TUBE1: variants seen among roughly 807,000 people sequenced by gnomAD.
TUBE1 encodes tubulin epsilon chain.
Under a neutral mutation model 53.5 loss-of-function variants are expected in TUBE1, and 34 were observed. The ratio of observed to expected loss-of-function variants is 0.64; its 90% confidence interval spans 0.48 to 0.85. The LOEUF (loss-of-function observed/expected upper bound fraction) is 0.85, where lower values mean the gene tolerates loss of function less well. Ranked by LOEUF, TUBE1 falls within the 40% of genes least tolerant of loss-of-function variation. The probability of loss-of-function intolerance (pLI) is 0.00; values close to 1 mark genes in which losing one functional copy is unlikely to be tolerated. For missense variants in TUBE1, 532 were observed against 570.5 expected, an observed-to-expected ratio of 0.93 and a Z score of 0.69; for synonymous variants, 177 against 198.4, an observed-to-expected ratio of 0.89 and a Z score of 0.91.
rs782035248 is a variant in TUBE1 at position 112,072,090 on chromosome 6, A to G, written c.1095-14T>C. 2.3e-5 allele frequency: 36 copies of G among 1,567,432 alleles called. No individual in the cohort carries two copies. Among genetic ancestry groups the G allele is most frequent in the Non-Finnish European group, 2.8e-5 (33 of 1,164,570 alleles). ...GATGGTTTTAATCTGAGATTAAAAA[A>G]AAAAATCTCAGAAGGTGAGAACTAA... On this transcript the variant is annotated splice_polypyrimidine_tract_variant and intron_variant, in intron 10 of 11. Transcript: ENST00000368662.
intron 8 of TUBE1, chr6:112,075,419 T>C (rs1776948744): frequency 6.6e-6 from 1 of 152,364 alleles, no homozygotes; most frequent in Admixed American, 6.5e-5. Flanking sequence ...TCATTACACA[T>C]ATAAAAATAT....
At chr6:112,085,521 C>G (rs970514442) in intron 3 of TUBE1, 11 of 364,076 alleles carry the variant, frequency 3.0e-5, no homozygotes, top group Middle Eastern at 9.1e-4. Context: ...AGAGAAGCGC[C>G]GGAAAGGAAG....
rs1455187269 is a variant in TUBE1 at position 112,074,612 on chromosome 6, C to T, written c.953+98G>A. On this transcript the variant is annotated intron_variant, in intron 9 of 11. Coordinates refer to ENST00000368662, the MANE Select transcript of TUBE1 (RefSeq NM_016262.5). ...ATCAACTCTCACAGATAAGATGATACAATTAAATAACTAGAGTTATTGCAA... is the reference window on the plus strand; with the variant it reads ...ATCAACTCTCACAGATAAGATGATATAATTAAATAACTAGAGTTATTGCAA... The T allele has an allele frequency of 1.1e-5, 9 of 852,338 alleles. No individual in the cohort carries two copies. The Admixed American group carries it at 1.8e-4, about 17-fold the overall frequency. The allele number at this position is 852,338 out of a possible 1,614,324, so 52.8% of individuals were successfully genotyped here. A position where few individuals can be genotyped will look rare whatever the true frequency, so the allele number is the denominator to read the frequency against.
In TUBE1 at chr6:112,076,016, C is replaced by T. The variant is rs781980774; in HGVS notation, c.733G>A (p.Gly245Arg). 6.2e-7 allele frequency: 1 copy of T among 1,613,848 alleles called. No homozygotes were observed. Among genetic ancestry groups the T allele is most frequent in the Non-Finnish European group, 8.5e-7 (1 of 1,179,904 alleles). The change falls in exon 8 of 12, where the codon GGG becomes AGG. Residue 245 changes from glycine (G) to arginine (R), a missense_variant. Physicochemically the swap from Gly to Arg is moderately radical, Grantham distance 125. Transcript: ENST00000368662. Reference protein sequence around the residue: ...KPKSLVTSSSGALKKQHKKPF... With the variant: ...KPKSLVTSSSRALKKQHKKPF... ...TTCTTATGCTGCTTTTTTAAAGCCC[C>T]AGAACTTGAAGTAACCAGACTCTTT...
chr6:112,082,684 A>G (rs1480531125), intron 4 of TUBE1, among the ~76,000 whole-genome samples: 1 of 152,196 alleles, frequency 6.6e-6, no homozygotes, highest in African/African-American at 2.4e-5. Context: ...AAACTTTGGG[A>G]GAGTATTTTG....
At chr6:112,078,575 G>C (rs782762177) in intron 6 of TUBE1, 5 of 152,000 alleles carry the variant, frequency 3.3e-5, no homozygotes, top group Admixed American at 6.5e-5. Context: ...GTAGGCATTA[G>C]ATGTGGGGAA....
chr6:112,087,438 G>C lies in TUBE1; in HGVS notation c.-4C>G, dbSNP rs1554317588. 6.5e-7 allele frequency: 1 copy of C among 1,550,124 alleles called. No homozygotes were observed. ...GTACGACCACCGACTGGGTCATGGT[G>C]GTGCGCCGCCGGCTCCGGGAGCTTG... On this transcript the variant is annotated 5_prime_UTR_variant, in exon 1 of 12. Coordinates refer to ENST00000368662, the MANE Select transcript of TUBE1 (RefSeq NM_016262.5).
chr6:112,081,041 A>AT, intron 5 of TUBE1, 51 bp downstream of exon 5: 4 of 1,154,526 alleles, frequency 3.5e-6, no homozygotes, highest in Non-Finnish European at 5.1e-6. Context: ...ATGAAGAAAG[A>AT]TTGCTCATTT....
chr6:112,086,455 C>T, intron 3 of TUBE1, 101 bp downstream of exon 3: 3 of 752,182 alleles, frequency 4.0e-6, no homozygotes, highest in Non-Finnish European at 6.3e-6. Flanking sequence ...CAAAAAAACA[C>T]AACTTCGCAG....
At chr6:112,071,627 C>T in intron 11 of TUBE1, 57 bp from the exon 12 acceptor site, 1 of 1,367,460 alleles carries the variant, frequency 7.3e-7, no homozygotes, top group Non-Finnish European at 1.0e-6. Flanking sequence ...ATACATAAGA[C>T]TATCCTAAAA....
At chr6:112,080,486 G>A (rs1554316620) in intron 5 of TUBE1, among the ~76,000 whole-genome samples, 1 of 152,050 alleles carries the variant, frequency 6.6e-6, no homozygotes, top group East Asian at 1.9e-4. Context: ...TTATGCCTTA[G>A]TAAAATTACA....
chr6:112,079,671 C>A lies in TUBE1; in HGVS notation c.410G>T (p.Cys137Phe), dbSNP rs782622468. Residue 137 changes from cysteine to phenylalanine, a missense_variant, in exon 6 of 12, where the codon TGC becomes TTC. Coordinates refer to ENST00000368662, the MANE Select transcript of TUBE1 (RefSeq NM_016262.5). ...KFRKSAEHCDCLQCFFIIHSM... is the reference protein window; with the variant it reads ...KFRKSAEHCDFLQCFFIIHSM... ...ATGTATTATAAAGAAACACTGCAAGCAATCACAGTGCTCTGCCGACTTTCT... is the reference window on the plus strand; with the variant it reads ...ATGTATTATAAAGAAACACTGCAAGAAATCACAGTGCTCTGCCGACTTTCT... 4.3e-6 allele frequency: 7 copies of A among 1,612,550 alleles called. No homozygotes were observed. In the South Asian group the frequency reaches 7.7e-5, roughly 18 times the overall value.
chr6:112,073,011 CA>C (rs34267994), intron 9 of TUBE1, 113 bp from the exon 10 acceptor site: 173,208 of 718,940 alleles, frequency 0.24, 23,219 homozygotes, highest in East Asian at 0.3. Context: ...ATTACACTAA[CA>C]AAATATTAGA....
chr6:112,086,064 C>T (rs1353584021), intron 3 of TUBE1, among the ~76,000 whole-genome samples: 1 of 152,166 alleles, frequency 6.6e-6, no homozygotes, highest in Non-Finnish European at 1.5e-5. Context: ...AATGCATGAA[C>T]TTAATGATTT....
chr6:112,077,767 T>G (rs1776996230), intron 6 of TUBE1: 1 of 151,818 alleles, frequency 6.6e-6, no homozygotes, highest in South Asian at 2.1e-4. Context: ...GAAGAGACAG[T>G]TTTGATTTCA....
chr6:112,071,611 A>G (rs781988190), intron 11 of TUBE1, 41 bp from the exon 12 acceptor site: 1 of 1,475,200 alleles, frequency 6.8e-7, no homozygotes, highest in South Asian at 1.3e-5. Flanking sequence ...CATTTCAGGA[A>G]CTTTAATACA....
Position 112,074,848 on chromosome 6 carries a change from G to T in TUBE1, c.815C>A (p.Ser272Tyr). ...VANLLLNLTS[S>Y]ARFEGSLNMD... ...ATTAAGGGACCCTTCAAATCTTGCA[G>T]AGCTAAAAAGTTAACATTAAAATGA... Residue 272 changes from serine to tyrosine, a missense_variant and splice_region_variant, in exon 9 of 12, where the codon TCT becomes TAT. Coordinates refer to ENST00000368662, the MANE Select transcript of TUBE1 (RefSeq NM_016262.5). 6.4e-7 allele frequency: 1 copy of T among 1,565,634 alleles called. No homozygotes were observed. The highest frequency in any genetic ancestry group is 1.2e-5 in the South Asian group (1 of 82,932).
chr6:112,080,924 G>C (rs1554316683), intron 5 of TUBE1, among the ~76,000 whole-genome samples, 168 bp downstream of exon 5: 1 of 152,082 alleles, frequency 6.6e-6, no homozygotes, highest in African/African-American at 2.4e-5. Flanking sequence ...AAAGAACTAG[G>C]AGTAAATACA....
intron 4 of TUBE1, among the ~76,000 whole-genome samples, chr6:112,083,690 C>T (rs1235256316): frequency 1.3e-5 from 2 of 152,144 alleles, no homozygotes; most frequent in Non-Finnish European, 2.9e-5. Context: ...AAAAGTAGTT[C>T]GTTACAGACA....
Sources: allele counts gnomAD v4.1 joint callset (sites outside exome capture counted in the v4.1 genomes callset), GRCh38; gene constraint gnomAD v4.1.1; transcripts MANE v1.5; gene names NCBI Gene and HGNC (gene_info 2026-07-23, HGNC 2026-07-21).